Variants in PDSS2 observed in about 807,000 individuals in gnomAD.
PDSS2 encodes the protein all trans-polyprenyl-diphosphate synthase PDSS2.
In PDSS2, 31 loss-of-function variants were observed where a neutral mutation model predicts 44.5. That is an observed-to-expected ratio of 0.70 (90% CI 0.52 to 0.94). PDSS2 has a LOEUF of 0.94. Among genes scored for constraint, PDSS2 ranks in the 40% least tolerant of loss-of-function variants. The pLI is 0.00. For synonymous variants in PDSS2, 157 were observed against 180.3 expected, an observed-to-expected ratio of 0.87 and a Z score of 1.03; for missense variants, 452 against 482.2, an observed-to-expected ratio of 0.94 and a Z score of 0.59.
At chr6:107,190,950 G>A (rs1451410906) in intron 7 of PDSS2, among the ~76,000 whole-genome samples, 2 of 151,992 alleles carry the variant, frequency 1.3e-5, no homozygotes, top group African/African-American at 4.8e-5. Flanking sequence ...GGAGTGCAGT[G>A]GCGTGATCTC....
intron 4 of PDSS2, among the ~76,000 whole-genome samples, chr6:107,233,787 TGGGTGACAGAGTGA>T (rs1774131876): frequency 6.6e-6 from 1 of 152,038 alleles, no homozygotes; most frequent in Admixed American, 6.6e-5. Flanking sequence ...CACTCTAGCC[TGGGTGACAGAGTGA>T]GACCCTGTCT....
At chr6:107,308,478 G>C (rs1776933510) in intron 2 of PDSS2, among the ~76,000 whole-genome samples, 1 of 152,098 alleles carries the variant, frequency 6.6e-6, no homozygotes, top group African/African-American at 2.4e-5. Context: ...TGTCCTGAGG[G>C]CTCATAGTTT....
intron 2 of PDSS2, among the ~76,000 whole-genome samples, chr6:107,331,220 G>T (rs1489500173): frequency 6.6e-6 from 1 of 152,004 alleles, no homozygotes; most frequent in African/African-American, 2.4e-5. Context: ...ATGACTTCAG[G>T]GGTAGAGAAA....
chr6:107,438,058 G>A (rs1781408925), intron 1 of PDSS2, among the ~76,000 whole-genome samples: 1 of 152,180 alleles, frequency 6.6e-6, no homozygotes, highest in Non-Finnish European at 1.5e-5. Context: ...TGACAGAAAC[G>A]AAGTGGGCAT....
At chr6:107,291,939 G>A (rs138625251) in intron 2 of PDSS2, among the ~76,000 whole-genome samples, 70 of 152,184 alleles carry the variant, frequency 4.6e-4, no homozygotes, top group African/African-American at 1.6e-3. Flanking sequence ...CAGGTTCAAG[G>A]GTTGGAAAAA....
At chr6:107,250,351 C>T (rs1050943071) in intron 3 of PDSS2, among the ~76,000 whole-genome samples, 1 of 152,018 alleles carries the variant, frequency 6.6e-6, no homozygotes, top group African/African-American at 2.4e-5. Flanking sequence ...AAAGGAGAGA[C>T]AACAAAATAA....
chr6:107,370,903 G>A (rs186911068), intron 1 of PDSS2, among the ~76,000 whole-genome samples: 123 of 152,206 alleles, frequency 8.1e-4, no homozygotes, highest in Middle Eastern at 6.8e-3. Flanking sequence ...AATGTCAACC[G>A]GCCAGGAGCA....
At chr6:107,209,303 T>TCGAG (rs541512886) in intron 6 of PDSS2, among the ~76,000 whole-genome samples, 33 of 152,300 alleles carry the variant, frequency 2.2e-4, no homozygotes, top group African/African-American at 7.5e-4. Context: ...GGCACTTAGA[T>TCGAG]CCTCTGAGGC....
intron 1 of PDSS2, among the ~76,000 whole-genome samples, chr6:107,359,394 G>A (rs1018478571): frequency 6.6e-5 from 10 of 151,708 alleles, no homozygotes; most frequent in East Asian, 2.0e-4. Flanking sequence ...AAGCTGAGGC[G>A]GGTGGATCAC....
At chr6:107,348,767 T>G (rs1160805783) in intron 1 of PDSS2, among the ~76,000 whole-genome samples, 1 of 152,220 alleles carries the variant, frequency 6.6e-6, no homozygotes, top group Non-Finnish European at 1.5e-5. Context: ...CGACTCAATG[T>G]TGGCCACTTT....
At chr6:107,242,231 C>T (rs577633081) in intron 4 of PDSS2, among the ~76,000 whole-genome samples, 2 of 152,218 alleles carry the variant, frequency 1.3e-5, no homozygotes, top group East Asian at 1.9e-4. Flanking sequence ...TTCAACTATG[C>T]ATTTTTGTTT....
At chr6:107,366,374 C>T (rs1161795788) in intron 1 of PDSS2, among the ~76,000 whole-genome samples, 1 of 151,952 alleles carries the variant, frequency 6.6e-6, no homozygotes. Context: ...TAGTGTACAA[C>T]TACAGGAGTA....
chr6:107,411,219 G>C (rs557726255), intron 1 of PDSS2, among the ~76,000 whole-genome samples: 71 of 152,320 alleles, frequency 4.7e-4, no homozygotes, highest in African/African-American at 1.6e-3. Context: ...TCGTGGATGA[G>C]AAGAAAAAGC....
chr6:107,248,534 A>G (rs1393945865), intron 3 of PDSS2, among the ~76,000 whole-genome samples: 1 of 151,642 alleles, frequency 6.6e-6, no homozygotes, highest in East Asian at 1.9e-4. Context: ...AAAAAAAAAA[A>G]AAAGCAGAAT....
At chr6:107,248,970 G>GTT (rs2114821108) in intron 3 of PDSS2, among the ~76,000 whole-genome samples, 1 of 152,224 alleles carries the variant, frequency 6.6e-6, no homozygotes, top group Admixed American at 6.5e-5. Context: ...ATTATGACTG[G>GTT]TAGAGCACCC....
At chr6:107,282,808 G>T (rs1468935987) in intron 2 of PDSS2, among the ~76,000 whole-genome samples, 2 of 149,638 alleles carry the variant, frequency 1.3e-5, no homozygotes, top group East Asian at 4.1e-4. Context: ...GGCGGAGCTT[G>T]CAGTGAGCTG....
chr6:107,343,742 T>C (rs1778151606), intron 1 of PDSS2, among the ~76,000 whole-genome samples: 1 of 152,150 alleles, frequency 6.6e-6, no homozygotes, highest in Non-Finnish European at 1.5e-5. Context: ...AATAAATATG[T>C]CAAAAGGTTA....
chr6:107,404,344 T>C (rs1780239456), intron 1 of PDSS2, among the ~76,000 whole-genome samples: 2 of 152,232 alleles, frequency 1.3e-5, no homozygotes, highest in African/African-American at 4.8e-5. Flanking sequence ...CCCTCCAAGC[T>C]CTTCCAGTCT....
intron 3 of PDSS2, among the ~76,000 whole-genome samples, chr6:107,273,382 C>T (rs1318779720): frequency 1.3e-5 from 2 of 151,624 alleles, no homozygotes; most frequent in African/African-American, 4.8e-5. Flanking sequence ...AGGTCTTTAT[C>T]TTAAAGAAAT....
Sources: gnomAD v4.1 joint callset for allele counts (sites outside exome capture counted in the v4.1 genomes callset) on GRCh38, gnomAD v4.1.1 for gene constraint, MANE v1.5 for transcripts, NCBI Gene and HGNC (gene_info 2026-07-23, HGNC 2026-07-21) for gene names.